Variants in RBMS1 observed in about 807,000 individuals in gnomAD.
RBMS1 encodes the protein RNA-binding motif, single-stranded-interacting protein 1.
RBMS1 carries 17 observed loss-of-function variants against 62.3 expected under a neutral mutation model. That is an observed-to-expected ratio of 0.27 (90% CI 0.19 to 0.41). The LOEUF is 0.41. RBMS1 is among the 10% of genes least tolerant of loss of function. The pLI, the probability that RBMS1 is intolerant of heterozygous loss-of-function variation, is 1.00. For missense variants in RBMS1, 334 were observed against 504.5 expected (o/e 0.66, Z 3.24); for synonymous variants, 172 against 170.0 (o/e 1.01, Z -0.09).
intron 2 of RBMS1, among the ~76,000 whole-genome samples, chr2:160,347,001 A>G (rs1406471293): frequency 6.6e-6 from 1 of 152,126 alleles, no homozygotes; most frequent in Non-Finnish European, 1.5e-5. Context: ...AGAAAAAAAG[A>G]TATTTTCTTA....
intron 2 of RBMS1, among the ~76,000 whole-genome samples, chr2:160,321,895 C>T (rs1000692986): frequency 9.9e-5 from 15 of 152,214 alleles, no homozygotes; most frequent in African/African-American, 3.6e-4. Context: ...TCAACCCTGT[C>T]TGTTGCATTA....
chr2:160,348,740 T>A (rs2106002791), intron 2 of RBMS1, among the ~76,000 whole-genome samples: 1 of 152,296 alleles, frequency 6.6e-6, no homozygotes, highest in Middle Eastern at 3.4e-3. Flanking sequence ...GAGTCTGGAA[T>A]GCAAGTGATA....
intron 2 of RBMS1, among the ~76,000 whole-genome samples, chr2:160,334,666 C>T (rs144059154): frequency 0.011 from 1,635 of 152,164 alleles, 37 homozygotes; most frequent in African/African-American, 0.035. Context: ...ATTACCAGAG[C>T]CAAGAATGGA....
chr2:160,449,098 C>A (rs1048248864), intron 1 of RBMS1, among the ~76,000 whole-genome samples: 4 of 151,770 alleles, frequency 2.6e-5, no homozygotes, highest in Non-Finnish European at 4.4e-5. Context: ...CTCCGCCCGG[C>A]AGCCGCCCCG....
Position 160,475,859 on chromosome 2 carries a change from ATT to A in RBMS1, c.75+17428_75+17429del, listed in dbSNP as rs34858686. 6.3e-3 allele frequency among the ~76,000 whole-genome samples: 899 copies of A among 142,054 alleles called. 9 individuals carry two copies. Among genetic ancestry groups the A allele is most frequent in the African/African-American group, 0.022 (846 of 38,058 alleles). 93.2% of individuals were successfully genotyped at this position (142,054 alleles called of 152,430 possible). ...ACTAATAGAGTAGAATGGGCCCCCC[ATT>A]TTTTTTTTTTTTTGAGAAGGGTTCT... On this transcript the variant is annotated intron_variant, in intron 1 of 13. Coordinates refer to ENST00000348849, the MANE Select transcript of RBMS1 (RefSeq NM_016836.4).
intron 1 of RBMS1, among the ~76,000 whole-genome samples, chr2:160,488,016 G>A (rs1339427757): frequency 1.3e-5 from 2 of 152,166 alleles, no homozygotes; most frequent in African/African-American, 4.8e-5. Flanking sequence ...TGTTCAGTTT[G>A]TGGTTGGCTT....
intron 3 of RBMS1, among the ~76,000 whole-genome samples, chr2:160,315,377 G>T (rs1342206313): frequency 6.6e-6 from 1 of 152,160 alleles, no homozygotes; most frequent in African/African-American, 2.4e-5. Context: ...ATAAATAGGT[G>T]TAAAGACGTT....
chr2:160,347,246 G>A (rs1026207168), intron 2 of RBMS1, among the ~76,000 whole-genome samples: 12 of 151,954 alleles, frequency 7.9e-5, no homozygotes, highest in Admixed American at 6.6e-4. Flanking sequence ...GTAGATGTAC[G>A]AATTCAAATG....
At chr2:160,446,779 C>T (rs567238732) in intron 1 of RBMS1, among the ~76,000 whole-genome samples, 51 of 152,146 alleles carry the variant, frequency 3.4e-4, no homozygotes, top group Non-Finnish European at 5.9e-4. Flanking sequence ...GACTGCTGTC[C>T]CCTCCGGTTG....
chr2:160,438,901 A>T (rs1330504340), intron 1 of RBMS1, among the ~76,000 whole-genome samples: 1 of 120,710 alleles, frequency 8.3e-6, no homozygotes, highest in Non-Finnish European at 1.7e-5. Flanking sequence ...GACTCCCCCC[A>T]CCTCCCTCCT....
chr2:160,300,588 G>A, intron 6 of RBMS1, 63 bp downstream of exon 6: 2 of 1,505,778 alleles, frequency 1.3e-6, no homozygotes, highest in Non-Finnish European at 1.8e-6. Context: ...GAGTCATCAT[G>A]TGCTAAAGTT....
At chr2:160,344,823 G>A (rs1692086257) in intron 2 of RBMS1, among the ~76,000 whole-genome samples, 1 of 151,986 alleles carries the variant, frequency 6.6e-6, no homozygotes, top group African/African-American at 2.4e-5. Context: ...GCACAGTGCT[G>A]GACACATAGT....
intron 1 of RBMS1, among the ~76,000 whole-genome samples, chr2:160,471,689 G>GTGTGTGTATGTA (rs1439769508): frequency 5.5e-4 from 13 of 23,826 alleles, no homozygotes; most frequent in Non-Finnish European, 8.1e-4. Flanking sequence ...AAATCCTTTG[G>GTGTGTGTATGTA]TGTATATATA....
chr2:160,442,270 A>G (rs892799052), intron 1 of RBMS1, among the ~76,000 whole-genome samples: 4 of 152,232 alleles, frequency 2.6e-5, no homozygotes, highest in Non-Finnish European at 5.9e-5. Context: ...CAGAAGATTT[A>G]CAGTTCCAAG....
chr2:160,448,864 G>C (rs933716967), intron 1 of RBMS1, among the ~76,000 whole-genome samples: 5 of 151,566 alleles, frequency 3.3e-5, no homozygotes, highest in Non-Finnish European at 5.9e-5. Context: ...TCTCTGCCTG[G>C]CCGCCCATCG....
intron 3 of RBMS1, among the ~76,000 whole-genome samples, chr2:160,316,211 A>C (rs899085528): frequency 8.6e-5 from 13 of 151,942 alleles, no homozygotes; most frequent in African/African-American, 3.1e-4. Flanking sequence ...TTTGTCCTGA[A>C]ATTACTTTTT....
rs10549576 is a variant in RBMS1 at position 160,301,601 on chromosome 2, ATTC to A, written c.561-874_561-872del. Reference sequence around the variant, plus strand: ...AGAGGTGACAAAATGATGCTGAGCTATTCAGTGACTCACTTGCGTCATTTTAAC... The same window carrying A: ...AGAGGTGACAAAATGATGCTGAGCTAAGTGACTCACTTGCGTCATTTTAAC... On this transcript the variant is annotated intron_variant, in intron 5 of 13. Transcript: ENST00000348849. 5.2e-3 allele frequency among the ~76,000 whole-genome samples: 790 copies of A among 152,342 alleles called. 8 individuals carry two copies. Among genetic ancestry groups the A allele is most frequent in the African/African-American group, 0.018 (757 of 41,578 alleles).
At chr2:160,471,474 C>T (rs781580139) in intron 1 of RBMS1, among the ~76,000 whole-genome samples, 7 of 151,336 alleles carry the variant, frequency 4.6e-5, no homozygotes, top group Non-Finnish European at 7.4e-5. Context: ...TATTCATCAA[C>T]TTATGGAAAA....
chr2:160,408,978 A>G (rs771574614), intron 1 of RBMS1, among the ~76,000 whole-genome samples: 13 of 152,224 alleles, frequency 8.5e-5, no homozygotes, highest in African/African-American at 1.2e-4. Flanking sequence ...GGAAAGGCTC[A>G]TCTGCCATGA....
Sources: allele counts gnomAD v4.1 joint callset (sites outside exome capture counted in the v4.1 genomes callset), GRCh38; gene constraint gnomAD v4.1.1; transcripts MANE v1.5; gene names NCBI Gene and HGNC (gene_info 2026-07-23, HGNC 2026-07-21).